The following ZBTB41 variants were observed in gnomAD, a reference collection of about 807,000 sequenced individuals.
The protein encoded by ZBTB41 is zinc finger and BTB domain-containing protein 41.
A neutral mutation model predicts 87.6 loss-of-function variants in ZBTB41; 42 were observed. The observed-to-expected ratio is 0.48, with a 90% CI of 0.37 to 0.62. ZBTB41 has a LOEUF of 0.62. Ranked by LOEUF, ZBTB41 falls within the 20% of genes least tolerant of loss-of-function variation. ZBTB41 has a pLI of 0.00. For synonymous variants in ZBTB41, 364 were observed against 364.0 expected, an observed-to-expected ratio of 1.00 and a Z score of 0.00; for missense variants, 799 against 1,078.9, an observed-to-expected ratio of 0.74 and a Z score of 3.63.
chr1:197,157,566 A>G lies in ZBTB41; in HGVS notation c.*1793T>C, dbSNP rs983778397. 7.9e-5 allele frequency: 12 copies of G among 152,210 alleles called. No individual in the cohort carries two copies. The highest frequency in any genetic ancestry group is 2.9e-4 in the African/African-American group (12 of 41,408). The allele number at this position is 152,210 out of a possible 1,614,324, so 9.4% of individuals were successfully genotyped here. A position where few individuals can be genotyped will look rare whatever the true frequency, so the allele number is the denominator to read the frequency against. On this transcript the variant is annotated 3_prime_UTR_variant, in exon 11 of 11. Transcript: ENST00000367405. The stretch of plus-strand genomic sequence containing the variant: ...ATCATGTAAGTACCCCAGATATAAC[A>G]TTTCCACACAAAGAAATAAGAATAC...
chr1:197,186,353 T>A (rs1659882726), intron 5 of ZBTB41, among the ~76,000 whole-genome samples: 1 of 150,378 alleles, frequency 6.6e-6, no homozygotes, highest in Admixed American at 6.6e-5. Flanking sequence ...ATCACAAAAA[T>A]GTAGATGACC....
chr1:197,185,486 A>C (rs1236280443), intron 5 of ZBTB41, among the ~76,000 whole-genome samples: 1 of 152,098 alleles, frequency 6.6e-6, no homozygotes, highest in East Asian at 1.9e-4. Context: ...TCCTTGAAAA[A>C]TTATCTTTTT....
At chr1:197,175,930 C>T (rs1233317845) in intron 8 of ZBTB41, 1 of 151,892 alleles carries the variant, frequency 6.6e-6, no homozygotes, top group Non-Finnish European at 1.5e-5. Flanking sequence ...ATAATAATCA[C>T]CTGTTCTACC....
At chr1:197,163,537 T>C (rs1337638741) in intron 10 of ZBTB41, among the ~76,000 whole-genome samples, 1 of 151,742 alleles carries the variant, frequency 6.6e-6, no homozygotes. Flanking sequence ...GAATAGGCAA[T>C]AGCAATATTT....
intron 6 of ZBTB41, among the ~76,000 whole-genome samples, chr1:197,179,690 C>G (rs1659697445): frequency 6.6e-6 from 1 of 151,910 alleles, no homozygotes; most frequent in African/African-American, 2.4e-5. Flanking sequence ...TATTGATGAT[C>G]CTGACCCTGT....
Position 197,159,862 on chromosome 1 carries a change from T to C in ZBTB41, c.2227A>G (p.Ile743Val). Reference sequence around the variant, plus strand: ...GATTTTATTTCATGAACATGGTCAATGTGGTATTTCAGCTTGTCTTTCCGC... The same window carrying C: ...GATTTTATTTCATGAACATGGTCAACGTGGTATTTCAGCTTGTCTTTCCGC... The part of the protein sequence containing the change: ...FKRKDKLKYH[I>V]DHVHEIKSPD... The change falls in exon 11 of 11, where the codon ATT becomes GTT. Residue 743 changes from isoleucine (I) to valine (V), a missense_variant. Ile to Val is a conservative substitution (Grantham distance 29, BLOSUM62 3). Around this residue, in one of 5 missense-constraint regions of ZBTB41, gnomAD observed 198 missense variants for 358.4 expected, o/e 0.55. Coordinates refer to ENST00000367405, the MANE Select transcript of ZBTB41 (RefSeq NM_194314.3). 6.2e-7 allele frequency: 1 copy of C among 1,613,964 alleles called. No homozygotes were observed. The highest frequency in any genetic ancestry group is 8.5e-7 in the Non-Finnish European group (1 of 1,179,884).
chr1:197,161,451 T>G (rs1659197199), intron 10 of ZBTB41, among the ~76,000 whole-genome samples: 1 of 152,042 alleles, frequency 6.6e-6, no homozygotes, highest in African/African-American at 2.4e-5. Context: ...CTATTATTTG[T>G]TAAATATTAT....
chr1:197,190,047 C>T (rs1305065824), intron 4 of ZBTB41, among the ~76,000 whole-genome samples: 2 of 152,106 alleles, frequency 1.3e-5, no homozygotes, highest in African/African-American at 4.8e-5. Flanking sequence ...GTCTCCAGAG[C>T]AACTGGGATT....
chr1:197,175,697 T>C (rs1224371620), intron 8 of ZBTB41, among the ~76,000 whole-genome samples: 1 of 151,510 alleles, frequency 6.6e-6, no homozygotes, highest in Non-Finnish European at 1.5e-5. Flanking sequence ...AAACAATTAC[T>C]GTCTCAATAC....
Position 197,189,297 on chromosome 1 carries a change from G to A in ZBTB41, c.1399-858C>T, listed in dbSNP as rs146215106. On this transcript the variant is annotated intron_variant, in intron 4 of 10. Coordinates refer to ENST00000367405, the MANE Select transcript of ZBTB41 (RefSeq NM_194314.3). ...GGGAAGCACTTTGGGAGGCCGAGACGGGTAGATCACCTGGGGTCAGAACTT... is the reference window on the plus strand; with the variant it reads ...GGGAAGCACTTTGGGAGGCCGAGACAGGTAGATCACCTGGGGTCAGAACTT... 1.2e-4 allele frequency among the ~76,000 whole-genome samples: 19 copies of A among 152,186 alleles called. 1 individual carries two copies. In the East Asian group the frequency reaches 2.3e-3, roughly 19 times the overall value.
rs747785997 is a variant in ZBTB41, at chr1:197,181,126, GAAA to G, written c.1547-12_1547-10del. 3 of 1,210,182 alleles carry G rather than the reference GAAA, an allele frequency of 2.5e-6. No homozygotes were observed. Among genetic ancestry groups the G allele is most frequent in the Non-Finnish European group, 2.2e-6 (2 of 901,998 alleles). The allele number at this position is 1,210,182 out of a possible 1,614,324, so 75.0% of individuals were successfully genotyped here. A position where few individuals can be genotyped will look rare whatever the true frequency, so the allele number is the denominator to read the frequency against. Reference sequence around the variant, plus strand: ...ATCACATGGAAAAGGACCTAAAAAGGAAAAAAAAAAAGTGTGCATTTAAAGTTT... The same window carrying G: ...ATCACATGGAAAAGGACCTAAAAAGGAAAAAAAAGTGTGCATTTAAAGTTT... On this transcript the variant is annotated splice_polypyrimidine_tract_variant and intron_variant, in intron 5 of 10. Transcript: ENST00000367405.
At chr1:197,174,704 T>C (rs1344717565) in intron 9 of ZBTB41, among the ~76,000 whole-genome samples, 1 of 152,102 alleles carries the variant, frequency 6.6e-6, no homozygotes, top group African/African-American at 2.4e-5. Flanking sequence ...TAACAACTGC[T>C]GTCTTATTAA....
chr1:197,187,184 C>A (rs1165752306), intron 5 of ZBTB41, among the ~76,000 whole-genome samples: 2 of 152,124 alleles, frequency 1.3e-5, no homozygotes, highest in Non-Finnish European at 2.9e-5. Context: ...TCTGATCCAG[C>A]CCCTGTTTTC....
At chr1:197,175,318 T>A (rs1659576238) in intron 8 of ZBTB41, among the ~76,000 whole-genome samples, 1 of 150,944 alleles carries the variant, frequency 6.6e-6, no homozygotes, top group African/African-American at 2.4e-5. Flanking sequence ...TGGATGTGAA[T>A]CTTTTCCCCG....
intron 5 of ZBTB41, among the ~76,000 whole-genome samples, chr1:197,185,830 G>C (rs749281510): frequency 2.0e-5 from 3 of 152,014 alleles, no homozygotes; most frequent in African/African-American, 4.8e-5. Flanking sequence ...TCGGATGAAA[G>C]AAATCAAAGA....
intron 5 of ZBTB41, among the ~76,000 whole-genome samples, chr1:197,186,628 G>A (rs1174196220): frequency 2.0e-5 from 3 of 152,280 alleles, no homozygotes; most frequent in East Asian, 3.9e-4. Context: ...TTGGGAGGCC[G>A]AGGTGGGTGG....
chr1:197,201,229 C>A lies in ZBTB41; in HGVS notation c.-124G>T, dbSNP rs1652789287. On this transcript the variant is annotated 5_prime_UTR_variant, in exon 1 of 11. Coordinates refer to ENST00000367405, the MANE Select transcript of ZBTB41 (RefSeq NM_194314.3). ...CGCCCCACAGATCCATTACCGGGAA[C>A]CCAAGGCTCCCCCGCTGGCTCCCAG... Among the ~76,000 whole-genome samples the A allele has an allele frequency of 6.6e-6, 1 of 152,224 alleles. No individual in the cohort carries two copies. Among genetic ancestry groups the A allele is most frequent in the Non-Finnish European group, 1.5e-5 (1 of 68,044 alleles).
intron 5 of ZBTB41, 58 bp downstream of exon 5, chr1:197,188,234 A>C: frequency 6.3e-7 from 1 of 1,589,822 alleles, no homozygotes; most frequent in Non-Finnish European, 8.6e-7. Flanking sequence ...AGGCTCCTCC[A>C]GCATGATGTG....
At position 197,158,735 on chromosome 1, in the gene ZBTB41, T is replaced by C. The variant is rs987342998; in HGVS notation, c.*624A>G. 2.0e-5 allele frequency: 3 copies of C among 152,124 alleles called. No individual in the cohort carries two copies. The highest frequency in any genetic ancestry group is 4.4e-5 in the Non-Finnish European group (3 of 67,990). 9.4% of individuals were successfully genotyped at this position (152,124 alleles called of 1,614,324 possible). A position where few individuals can be genotyped will look rare whatever the true frequency, so the allele number is the denominator to read the frequency against. On this transcript the variant is annotated 3_prime_UTR_variant, in exon 11 of 11. Coordinates refer to ENST00000367405, the MANE Select transcript of ZBTB41 (RefSeq NM_194314.3). Reference sequence around the variant, plus strand: ...ATTATTATTTCAGTCCTACAAATAATAGCTAATCTTACATTAGTTAAGCTT... The same window carrying C: ...ATTATTATTTCAGTCCTACAAATAACAGCTAATCTTACATTAGTTAAGCTT...
Sources: allele counts gnomAD v4.1 joint callset (sites outside exome capture counted in the v4.1 genomes callset), GRCh38; gene constraint gnomAD v4.1.1; regional missense constraint gnomAD v4.1.1; transcripts MANE v1.5; gene names NCBI Gene and HGNC (gene_info 2026-07-23, HGNC 2026-07-21).